The following SLC44A5 variants were observed in gnomAD, a reference collection of about 807,000 sequenced individuals.
SLC44A5 encodes the protein choline transporter-like protein 5.
A neutral mutation model predicts 101.8 loss-of-function variants in SLC44A5; 57 were observed. The observed-to-expected ratio is 0.56, with a 90% CI of 0.45 to 0.70. The LOEUF (loss-of-function observed/expected upper bound fraction) is 0.70, where lower values mean the gene tolerates loss of function less well. Ranked by LOEUF, SLC44A5 falls within the 30% of genes least tolerant of loss-of-function variation. The probability of loss-of-function intolerance (pLI) is 0.00; values close to 1 mark genes in which losing one functional copy is unlikely to be tolerated. For synonymous variants in SLC44A5, 281 were observed against 290.9 expected (o/e 0.97, Z 0.35); for missense variants, 737 against 853.1 (o/e 0.86, Z 1.70).
intron 1 of SLC44A5, among the ~76,000 whole-genome samples, chr1:75,562,646 C>T (rs1196556541): frequency 6.6e-6 from 1 of 152,076 alleles, no homozygotes; most frequent in African/African-American, 2.4e-5. Flanking sequence ...ATGATGGCTC[C>T]ACCGCACTTC....
chr1:75,710,762 G>A, the SLC44A5 span, among the ~76,000 whole-genome samples: 1 of 152,148 alleles, frequency 6.6e-6, no homozygotes, highest in East Asian at 1.9e-4. Context: ...GCTATTTTAA[G>A]AGGTTTTACT....
chr1:75,474,305 G>A (rs1667270171), intron 2 of SLC44A5, among the ~76,000 whole-genome samples: 1 of 152,092 alleles, frequency 6.6e-6, no homozygotes, highest in African/African-American at 2.4e-5. Context: ...GATTCATTCT[G>A]TTTTATTATT....
chr1:75,624,216 T>G, the SLC44A5 span, among the ~76,000 whole-genome samples: 2 of 152,248 alleles, frequency 1.3e-5, no homozygotes, highest in South Asian at 4.1e-4. Context: ...AAATAAAATG[T>G]GTAAGTCCAT....
intron 7 of SLC44A5, among the ~76,000 whole-genome samples, chr1:75,248,089 A>G (rs750165546): frequency 1.3e-5 from 2 of 152,108 alleles, no homozygotes; most frequent in Non-Finnish European, 2.9e-5. Context: ...CAAATGACAG[A>G]TAAGTAAAAT....
At chr1:75,714,253 T>C in the SLC44A5 span, among the ~76,000 whole-genome samples, 3 of 152,116 alleles carry the variant, frequency 2.0e-5, no homozygotes, top group Non-Finnish European at 4.4e-5. Context: ...ATGTGATTCA[T>C]CACACAAACA....
At chr1:75,681,647 T>C in the SLC44A5 span, among the ~76,000 whole-genome samples, 3 of 149,418 alleles carry the variant, frequency 2.0e-5, no homozygotes, top group Admixed American at 6.8e-5. Context: ...CCACGGCCAA[T>C]ATCATACTGA....
At chr1:75,682,149 G>T in the SLC44A5 span, among the ~76,000 whole-genome samples, 1 of 152,220 alleles carries the variant, frequency 6.6e-6, no homozygotes, top group African/African-American at 2.4e-5. Flanking sequence ...TGGGTAGGAA[G>T]AATCAATATC....
At chr1:75,234,533 G>C (rs182018810) in intron 11 of SLC44A5, among the ~76,000 whole-genome samples, 2 of 151,966 alleles carry the variant, frequency 1.3e-5, no homozygotes, top group Admixed American at 6.6e-5. Context: ...CTATAATATG[G>C]CTATCTAGAA....
At chr1:75,690,512 T>C in the SLC44A5 span, among the ~76,000 whole-genome samples, 10 of 151,936 alleles carry the variant, frequency 6.6e-5, no homozygotes, top group Non-Finnish European at 1.3e-4. Flanking sequence ...TGCAGAACAA[T>C]AGAATAATCC....
At chr1:75,667,527 C>T in the SLC44A5 span, among the ~76,000 whole-genome samples, 2 of 152,152 alleles carry the variant, frequency 1.3e-5, no homozygotes, top group Non-Finnish European at 2.9e-5. Context: ...AGATTCAATG[C>T]TATCCCCATC....
chr1:75,233,843 AT>A (rs1308350618), intron 12 of SLC44A5, 142 bp downstream of exon 12: 1 of 632,070 alleles, frequency 1.6e-6, no homozygotes, highest in East Asian at 2.8e-5. Context: ...AAAATGAAAT[AT>A]TTTTTCTAAG....
intron 1 of SLC44A5, among the ~76,000 whole-genome samples, chr1:75,543,330 T>C (rs1036439090): frequency 1.3e-5 from 2 of 152,010 alleles, no homozygotes; most frequent in African/African-American, 4.8e-5. Context: ...GAGTACTCTC[T>C]CACTCCATTC....
At chr1:75,299,976 G>A (rs181290408) in intron 5 of SLC44A5, among the ~76,000 whole-genome samples, 410 of 134,650 alleles carry the variant, frequency 3.0e-3, no homozygotes, top group Admixed American at 4.4e-3. Flanking sequence ...AGATTGCGCC[G>A]CTGCACTCCA....
chr1:75,682,312 A>G, the SLC44A5 span, among the ~76,000 whole-genome samples: 1 of 152,118 alleles, frequency 6.6e-6, no homozygotes, highest in Non-Finnish European at 1.5e-5. Context: ...TCCTCAGCCA[A>G]AAGAACAAAG....
intron 2 of SLC44A5, among the ~76,000 whole-genome samples, chr1:75,436,884 T>C (rs754064573): frequency 1.1e-4 from 17 of 152,110 alleles, no homozygotes; most frequent in Admixed American, 6.6e-5. Context: ...TTAAACTTTT[T>C]TGTTAAAAGC....
chr1:75,476,431 G>A (rs919681725), intron 2 of SLC44A5, among the ~76,000 whole-genome samples: 1 of 150,678 alleles, frequency 6.6e-6, no homozygotes, highest in East Asian at 1.9e-4. Context: ...CCGTGCACGA[G>A]CCGAAGCAGG....
chr1:75,627,134 G>A, the SLC44A5 span, among the ~76,000 whole-genome samples: 3 of 152,048 alleles, frequency 2.0e-5, no homozygotes, highest in African/African-American at 4.8e-5. Flanking sequence ...TTCCCTTTGT[G>A]TATTACCGTA....
At chr1:75,359,189 G>C (rs1342647022) in intron 3 of SLC44A5, among the ~76,000 whole-genome samples, 1 of 146,140 alleles carries the variant, frequency 6.8e-6, no homozygotes, top group Non-Finnish European at 1.5e-5. Flanking sequence ...TTTTTTTAAG[G>C]TGGAATAGTA....
At chr1:75,615,226 G>T (rs1443699446), upstream of SLC44A5, among the ~76,000 whole-genome samples, 2 of 152,052 alleles carry the variant, frequency 1.3e-5, no homozygotes, top group African/African-American at 2.4e-5. Context: ...GAAGTAGCCT[G>T]CAGGGACTCG....
Sources: allele counts gnomAD v4.1 joint callset (sites outside exome capture counted in the v4.1 genomes callset), GRCh38; gene constraint gnomAD v4.1.1; transcripts MANE v1.5; gene names NCBI Gene and HGNC (gene_info 2026-07-23, HGNC 2026-07-21).